SYNE1: variants seen among roughly 807,000 people sequenced by gnomAD.
SYNE1 encodes the protein nesprin-1.
A neutral mutation model predicts 1,111.0 loss-of-function variants in SYNE1; 616 were observed. The ratio of observed to expected loss-of-function variants is 0.55; its 90% confidence interval spans 0.52 to 0.59. The LOEUF (loss-of-function observed/expected upper bound fraction) is 0.59, where lower values mean the gene tolerates loss of function less well. Among genes scored for constraint, SYNE1 ranks in the 20% least tolerant of loss-of-function variants. SYNE1 has a pLI of 0.00. For synonymous variants in SYNE1, 3,855 were observed against 3,825.8 expected (o/e 1.01, Z -0.28); for missense variants, 10,006 against 10,417.0 (o/e 0.96, Z 1.72).
At position 152,603,853 on chromosome 6, in the gene SYNE1, GTATA is replaced by G. The variant is rs1192380048; in HGVS notation, c.67+24408_67+24411del. Reference sequence around the variant, plus strand: ...ATATACTATCTATCTATACATATATGTATATATAGATAGATATACTATCTATCTA... The same window carrying G: ...ATATACTATCTATCTATACATATATGTATAGATAGATATACTATCTATCTA... On this transcript the variant is annotated intron_variant, in intron 3 of 145. Coordinates refer to ENST00000367255, the MANE Select transcript of SYNE1 (RefSeq NM_182961.4). Among the ~76,000 whole-genome samples the G allele has an allele frequency of 4.2e-4, 53 of 127,184 alleles. 1 individual carries two copies. The highest frequency in any genetic ancestry group is 4.6e-3 in the Middle Eastern group (1 of 218). 83.4% of individuals were successfully genotyped at this position (127,184 alleles called of 152,430 possible). A position where few individuals can be genotyped will look rare whatever the true frequency, so the allele number is the denominator to read the frequency against.
At chr6:152,164,354 C>A in intron 130 of SYNE1, 29 bp from the exon 131 acceptor site, 1 of 1,613,606 alleles carries the variant, frequency 6.2e-7, no homozygotes, top group Non-Finnish European at 8.5e-7. Flanking sequence ...GAATGTCCCA[C>A]TTCAGCGAGA....
chr6:152,539,195 A>G (rs1639875127), intron 4 of SYNE1, among the ~76,000 whole-genome samples: 1 of 152,186 alleles, frequency 6.6e-6, no homozygotes, highest in Non-Finnish European at 1.5e-5. Flanking sequence ...GGGAGAGTCA[A>G]CATAACTTCC....
chr6:152,558,293 C>A (rs1427766040), intron 3 of SYNE1, among the ~76,000 whole-genome samples: 1 of 152,102 alleles, frequency 6.6e-6, no homozygotes, highest in African/African-American at 2.4e-5. Flanking sequence ...AATAAAGTAA[C>A]TCCAAAATAG....
chr6:152,536,186 A>C (rs1456693945), intron 4 of SYNE1, among the ~76,000 whole-genome samples: 2 of 151,064 alleles, frequency 1.3e-5, no homozygotes, highest in Non-Finnish European at 2.9e-5. Context: ...TTGTTCCTTC[A>C]GAATCCCATT....
intron 3 of SYNE1, among the ~76,000 whole-genome samples, chr6:152,592,379 C>A (rs2099569524): frequency 6.6e-6 from 1 of 152,090 alleles, no homozygotes; most frequent in Admixed American, 6.5e-5. Context: ...GAATTCTATG[C>A]AGCCATAAAA....
chr6:152,192,860 T>C (rs1684022678), intron 127 of SYNE1, among the ~76,000 whole-genome samples: 1 of 152,180 alleles, frequency 6.6e-6, no homozygotes, highest in Non-Finnish European at 1.5e-5. Flanking sequence ...TGAAACCTAT[T>C]TTGTCTGATA....
In SYNE1 at chr6:152,330,175, A is replaced by G. The variant is rs182739251; in HGVS notation, c.14510T>C (p.Ile4837Thr). 9.9e-6 allele frequency: 16 copies of G among 1,614,138 alleles called. No homozygotes were observed. The highest frequency in any genetic ancestry group is 8.9e-5 in the East Asian group (4 of 44,872). ...GTGTGGGGCAAGATCTTCAAGATGTATGGTTACTCGTTTCAGTACAATCCC... is the reference window on the plus strand; with the variant it reads ...GTGTGGGGCAAGATCTTCAAGATGTGTGGTTACTCGTTTCAGTACAATCCC... ...DSGIVLKRVT[I>T]HLEDLAPHLD... The change falls in exon 78 of 146, where the codon ATA (isoleucine) becomes ACA (threonine). Residue 4837 changes from isoleucine to threonine, a missense_variant. Coordinates refer to ENST00000367255, the MANE Select transcript of SYNE1 (RefSeq NM_182961.4).
chr6:152,595,123 G>A (rs1395693438), intron 3 of SYNE1, among the ~76,000 whole-genome samples: 2 of 152,020 alleles, frequency 1.3e-5, no homozygotes, highest in Admixed American at 1.3e-4. Context: ...CTTTTGTTCT[G>A]AACTAAAAAT....
chr6:152,152,087 G>C lies in SYNE1; in HGVS notation c.24184C>G (p.Gln8062Glu). 1 of 1,614,184 alleles carries C rather than the reference G, an allele frequency of 6.2e-7. No homozygotes were observed. Reference protein sequence around the residue: ...CLTQLELINKQYRRLARENRT... With the variant: ...CLTQLELINKEYRRLARENRT... ...TTCTCCCTGGCCAGGCGGCGGTACT[G>C]CTTGTTGATCAGTTCCAGCTGCGTC... Residue 8062 changes from glutamine (Q) to glutamate (E), a missense_variant, in exon 134 of 146, where the codon CAG (glutamine) becomes GAG (glutamate). By Grantham distance (29) the Gln-to-Glu change is conservative. Transcript: ENST00000367255.
chr6:152,215,969 A>G (rs1361092973), intron 121 of SYNE1, among the ~76,000 whole-genome samples: 4 of 152,226 alleles, frequency 2.6e-5, no homozygotes, highest in Admixed American at 6.5e-5. Flanking sequence ...GACTCAATCA[A>G]AAGAGCAATC....
chr6:152,463,318 A>T (rs1283113716), intron 19 of SYNE1, 35 bp downstream of exon 19: 1 of 1,613,346 alleles, frequency 6.2e-7, no homozygotes, highest in East Asian at 2.2e-5. Flanking sequence ...TGTAACACAT[A>T]CACGTTGAGG....
In SYNE1 at chr6:152,385,696, T is replaced by G; in HGVS notation, c.8630A>C (p.Gln2877Pro). Residue 2877 changes from glutamine to proline, a missense_variant, in exon 55 of 146, where the codon CAG (glutamine) becomes CCG (proline). Coordinates refer to ENST00000367255, the MANE Select transcript of SYNE1 (RefSeq NM_182961.4). The stretch of plus-strand genomic sequence containing the variant: ...GACCTTAATTTTTGATAACTTTTTC[T>G]GGGTGGCTGATGAATCTCCAGACAT... ...SDMSGDSSAT[Q>P]KKLSKIKELI... The G allele has an allele frequency of 3.7e-6, 6 of 1,614,172 alleles. No individual in the cohort carries two copies. The highest frequency in any genetic ancestry group is 2.2e-5 in the East Asian group (1 of 44,854).
At chr6:152,405,666 T>C (rs2097887604) in intron 45 of SYNE1, among the ~76,000 whole-genome samples, 1 of 152,196 alleles carries the variant, frequency 6.6e-6, no homozygotes, top group Non-Finnish European at 1.5e-5. Context: ...TTTTGCAAGC[T>C]GGTATAAGCT....
intron 3 of SYNE1, among the ~76,000 whole-genome samples, chr6:152,616,966 C>T (rs745695296): frequency 1.8e-4 from 27 of 152,090 alleles, no homozygotes; most frequent in Admixed American, 5.2e-4. Flanking sequence ...CCAGGCTTGC[C>T]GCCTATCCAT....
Position 152,430,171 on chromosome 6 carries a change from C to T in SYNE1, c.4729G>A (p.Val1577Ile). ...SVSEFEDKLA[V>I]PIKICSSATE... is the part of the protein sequence containing the mutation. Reference sequence around the variant, plus strand: ...GCTGAAGAACATATTTTAATTGGAACAGCAAGTTTATCTTCAAATTCAGAC... The same window carrying T: ...GCTGAAGAACATATTTTAATTGGAATAGCAAGTTTATCTTCAAATTCAGAC... Residue 1577 changes from valine (V) to isoleucine (I), a missense_variant, in exon 36 of 146, where the codon GTT becomes ATT. Val to Ile is a conservative substitution (Grantham distance 29, BLOSUM62 3). Transcript: ENST00000367255. The T allele has an allele frequency of 5.0e-6, 8 of 1,605,170 alleles. No homozygotes were observed. The highest frequency in any genetic ancestry group is 6.8e-6 in the Non-Finnish European group (8 of 1,174,250).
intron 55 of SYNE1, 150 bp from the exon 56 acceptor site, chr6:152,381,512 T>C (rs1591556216): frequency 2.5e-6 from 2 of 797,204 alleles, no homozygotes; most frequent in East Asian, 2.5e-5. Flanking sequence ...TGTCCACTCT[T>C]AAATTATAAT....
intron 85 of SYNE1, 160 bp from the exon 86 acceptor site, chr6:152,318,423 G>A: frequency 1.3e-6 from 1 of 795,538 alleles, no homozygotes; most frequent in South Asian, 1.6e-5. Flanking sequence ...CGGTTGGAAA[G>A]GCAGGGCAGG....
chr6:152,212,094 T>G (rs926511368), intron 123 of SYNE1, among the ~76,000 whole-genome samples: 3 of 152,138 alleles, frequency 2.0e-5, no homozygotes, highest in Admixed American at 6.5e-5. Context: ...TCCTTCGAAT[T>G]ATTTCTACTG....
chr6:152,187,859 G>A (rs1587272142), intron 128 of SYNE1, among the ~76,000 whole-genome samples: 1 of 152,074 alleles, frequency 6.6e-6, no homozygotes, highest in East Asian at 1.9e-4. Context: ...CCAAGTAGCT[G>A]GGATTACAGG....
Sources: allele counts gnomAD v4.1 joint callset (sites outside exome capture counted in the v4.1 genomes callset), GRCh38; gene constraint gnomAD v4.1.1; transcripts MANE v1.5; gene names NCBI Gene and HGNC (gene_info 2026-07-23, HGNC 2026-07-21).